The following NUP54 variants were observed in gnomAD, a reference collection of about 807,000 sequenced individuals.
NUP54 encodes nucleoporin p54.
In NUP54, 27 loss-of-function variants were observed where a neutral mutation model predicts 66.4. The ratio of observed to expected loss-of-function variants is 0.41; its 90% CI spans 0.30 to 0.56. NUP54 has a LOEUF of 0.56. Among genes scored for constraint, NUP54 ranks in the 20% least tolerant of loss-of-function variants. The pLI is 0.34. For synonymous variants in NUP54, 206 were observed against 210.7 expected (o/e 0.98, Z 0.19); for missense variants, 486 against 596.3 (o/e 0.82, Z 1.93).
chr4:76,119,210 C>T (rs1442348807), intron 9 of NUP54, among the ~76,000 whole-genome samples: 3 of 151,894 alleles, frequency 2.0e-5, no homozygotes, highest in Admixed American at 6.6e-5. Flanking sequence ...AGAAACAATA[C>T]GAGAATGTAA....
intron 1 of NUP54, among the ~76,000 whole-genome samples, chr4:76,144,741 G>A (rs936993107): frequency 2.6e-5 from 4 of 152,192 alleles, no homozygotes; most frequent in Admixed American, 2.6e-4. Flanking sequence ...AACAGTTACA[G>A]CTGAGAAAAC....
At chr4:76,136,087 G>A in intron 4 of NUP54, 99 bp downstream of exon 4, 2 of 782,582 alleles carry the variant, frequency 2.6e-6, no homozygotes, top group Non-Finnish European at 4.2e-6. Flanking sequence ...CCATGTTCAA[G>A]GAGTAAAGAT....
At chr4:76,124,623 C>T (rs1560677652) in intron 9 of NUP54, 26 bp downstream of exon 9, 2 of 1,019,478 alleles carry the variant, frequency 2.0e-6, no homozygotes, top group Non-Finnish European at 3.1e-6. Flanking sequence ...CTTATAAACA[C>T]TGGGGGGGAA....
intron 3 of NUP54, among the ~76,000 whole-genome samples, chr4:76,138,208 A>G (rs1731119853): frequency 6.6e-6 from 1 of 152,210 alleles, no homozygotes. Context: ...CTGGTTTATT[A>G]TAAGGTCGCT....
chr4:76,128,878 A>G (rs1201363125), intron 8 of NUP54, among the ~76,000 whole-genome samples: 1 of 152,234 alleles, frequency 6.6e-6, no homozygotes, highest in Non-Finnish European at 1.5e-5. Context: ...GGAAGCTAAA[A>G]AAAGTTGATT....
chr4:76,134,293 T>C lies in NUP54; in HGVS notation c.592A>G (p.Lys198Glu). 6.2e-7 allele frequency: 1 copy of C among 1,613,960 alleles called. No homozygotes were observed. The highest frequency in any genetic ancestry group is 8.5e-7 in the Non-Finnish European group (1 of 1,179,926). ...TGTTGGCTTCGAATCTCTGTTTCTT[T>C]TTTGTTGAAAACTAAAACCACTAGC... ...DGLVVLVFNKKETEIRSQQQQ... is the reference protein window; with the variant it reads ...DGLVVLVFNKEETEIRSQQQQ... Residue 198 changes from lysine to glutamate, a missense_variant, in exon 5 of 12, where the codon AAA (lysine) becomes GAA (glutamate). Coordinates refer to ENST00000264883, the MANE Select transcript of NUP54 (RefSeq NM_017426.4).
chr4:76,146,122 T>C (rs964779494), intron 1 of NUP54: 16 of 451,866 alleles, frequency 3.5e-5, no homozygotes, highest in Non-Finnish European at 6.6e-5. Context: ...GTTTTAGTAA[T>C]AGCAGATCTG....
intron 1 of NUP54, among the ~76,000 whole-genome samples, chr4:76,146,467 T>G (rs1731503947): frequency 6.6e-6 from 1 of 152,242 alleles, no homozygotes; most frequent in African/African-American, 2.4e-5. Context: ...CATCTTGTCT[T>G]TGAAGTTTTC....
chr4:76,115,292 G>T lies in NUP54; in HGVS notation c.*74C>A, dbSNP rs563279804. The T allele has an allele frequency of 3.1e-6, 4 of 1,291,492 alleles. No homozygotes were observed. Among genetic ancestry groups the T allele is most frequent in the Non-Finnish European group, 4.1e-6 (4 of 976,950 alleles). The allele number at this position is 1,291,492 out of a possible 1,614,324, so 80.0% of individuals were successfully genotyped here. A position where few individuals can be genotyped will look rare whatever the true frequency, so the allele number is the denominator to read the frequency against. Reference sequence around the variant, plus strand: ...GTTTTCTTTTTCCCTCCATGTGGTCGGTTTCATTCTTAAGGAAGGTCTGAT... The same window carrying T: ...GTTTTCTTTTTCCCTCCATGTGGTCTGTTTCATTCTTAAGGAAGGTCTGAT... On this transcript the variant is annotated 3_prime_UTR_variant, in exon 12 of 12. Transcript: ENST00000264883.
chr4:76,138,122 C>T (rs1731115511), intron 3 of NUP54, among the ~76,000 whole-genome samples: 1 of 152,138 alleles, frequency 6.6e-6, no homozygotes, highest in Admixed American at 6.5e-5. Flanking sequence ...TTTTACTCTC[C>T]AGAAAAGTAT....
chr4:76,146,635 G>A (rs750793375), intron 1 of NUP54, among the ~76,000 whole-genome samples: 3 of 152,146 alleles, frequency 2.0e-5, no homozygotes, highest in Non-Finnish European at 4.4e-5. Flanking sequence ...GAGGCATAAC[G>A]TAAGAGACTA....
At chr4:76,140,202 A>C (rs947833801) in intron 3 of NUP54, among the ~76,000 whole-genome samples, 2 of 152,080 alleles carry the variant, frequency 1.3e-5, no homozygotes, top group Non-Finnish European at 2.9e-5. Flanking sequence ...AAAAAGAGGA[A>C]AAGGTGGATA....
At chr4:76,134,139 T>A in intron 5 of NUP54, 36 bp downstream of exon 5, 4 of 1,454,694 alleles carry the variant, frequency 2.7e-6, no homozygotes, top group African/African-American at 1.4e-5. Context: ...CAGAAATAAA[T>A]ACACAGAAAT....
intron 3 of NUP54, among the ~76,000 whole-genome samples, chr4:76,137,861 A>G (rs1731103569): frequency 1.3e-5 from 2 of 152,184 alleles, no homozygotes; most frequent in African/African-American, 4.8e-5. Context: ...AGCAAATGAT[A>G]CTAATTTTCC....
chr4:76,126,841 C>T (rs186456994), intron 8 of NUP54, among the ~76,000 whole-genome samples: 86 of 152,120 alleles, frequency 5.7e-4, no homozygotes, highest in African/African-American at 2.0e-3. Context: ...CAATTCCAAC[C>T]ATAATTCTAG....
chr4:76,122,203 A>G (rs1730265898), intron 9 of NUP54, among the ~76,000 whole-genome samples: 1 of 152,184 alleles, frequency 6.6e-6, no homozygotes, highest in African/African-American at 2.4e-5. Flanking sequence ...GTCATAGTAT[A>G]TTTTTTAAGA....
chr4:76,128,276 A>G (rs924551638), intron 8 of NUP54, among the ~76,000 whole-genome samples: 1 of 152,026 alleles, frequency 6.6e-6, no homozygotes, highest in East Asian at 1.9e-4. Context: ...GTACTCCCCA[A>G]CCAAGAGTCT....
chr4:76,129,110 T>G (rs1285871944), intron 8 of NUP54, among the ~76,000 whole-genome samples: 2 of 152,302 alleles, frequency 1.3e-5, no homozygotes, highest in South Asian at 4.1e-4. Context: ...GATAAATGTA[T>G]GGGGTAATGG....
At chr4:76,124,494 C>T in intron 9 of NUP54, 155 bp downstream of exon 9, 1 of 408,396 alleles carries the variant, frequency 2.4e-6, no homozygotes, top group Non-Finnish European at 4.3e-6. Context: ...ACTTGTTTTC[C>T]AATTTCAAAG....
Sources: gnomAD v4.1 joint callset for allele counts (sites outside exome capture counted in the v4.1 genomes callset) on GRCh38, gnomAD v4.1.1 for gene constraint, MANE v1.5 for transcripts, NCBI Gene and HGNC (gene_info 2026-07-23, HGNC 2026-07-21) for gene names.